SEPTIN8: variants seen among roughly 807,000 people sequenced by gnomAD.
The protein encoded by SEPTIN8 is septin 8.
SEPTIN8 carries 22 observed loss-of-function variants against 53.1 expected under a neutral mutation model. That is an observed-to-expected ratio of 0.41 (90% CI 0.30 to 0.59). The LOEUF is 0.59. Ranked by LOEUF, SEPTIN8 falls within the 20% of genes least tolerant of loss-of-function variation. The probability of loss-of-function intolerance (pLI) is 0.24; values close to 1 mark genes in which losing one functional copy is unlikely to be tolerated. For missense variants in SEPTIN8, 536 were observed against 638.7 expected, an observed-to-expected ratio of 0.84 and a Z score of 1.73; for synonymous variants, 228 against 248.4, an observed-to-expected ratio of 0.92 and a Z score of 0.77.
At chr5:132,753,788 GA>G (rs1755067214) in intron 9 of SEPTIN8, 1 of 152,338 alleles carries the variant, frequency 6.6e-6, no homozygotes, top group African/African-American at 2.4e-5. Context: ...CTGCCAGGAG[GA>G]GGAGCCGGCT....
intron 4 of SEPTIN8, among the ~76,000 whole-genome samples, chr5:132,763,135 G>C (rs1003410701): frequency 1.3e-5 from 2 of 152,140 alleles, no homozygotes; most frequent in Non-Finnish European, 2.9e-5. Flanking sequence ...AGCTGACAAG[G>C]GATGTGGGGT....
At chr5:132,771,299 T>C (rs1203046002) in intron 1 of SEPTIN8, among the ~76,000 whole-genome samples, 8 of 152,182 alleles carry the variant, frequency 5.3e-5, no homozygotes, top group Admixed American at 5.2e-4. Flanking sequence ...CCGGGGAAGC[T>C]GTGGGTAAAT....
chr5:132,751,159 G>A lies in SEPTIN8; in HGVS notation c.*857C>T, dbSNP rs1754812950. 1.5e-6 allele frequency: 1 copy of A among 676,520 alleles called. No homozygotes were observed. Among genetic ancestry groups the A allele is most frequent in the Non-Finnish European group, 2.3e-6 (1 of 431,474 alleles). The allele number at this position is 676,520 out of a possible 1,614,324, so 41.9% of individuals were successfully genotyped here. On this transcript the variant is annotated 3_prime_UTR_variant, in exon 10 of 10. Coordinates refer to ENST00000378719, the MANE Select transcript of SEPTIN8 (RefSeq NM_001098811.2). ...TCATGACATACGGAAGAGTGAAAAG[G>A]TATCTTAAATCCAACACAGTTCCAC...
chr5:132,762,752 C>G, intron 4 of SEPTIN8, 107 bp from the exon 5 acceptor site: 1 of 1,288,614 alleles, frequency 7.8e-7, no homozygotes, highest in Non-Finnish European at 1.1e-6. Context: ...TATCCCTGGG[C>G]AGGGGGAAGG....
upstream of SEPTIN8, chr5:132,778,036 T>C: frequency 1.0e-6 from 1 of 985,498 alleles, no homozygotes; most frequent in Non-Finnish European, 1.2e-6. Context: ...GCGTGCACGT[T>C]CTCTCCGCTA....
Position 132,776,309 on chromosome 5 carries a change from AC to A in SEPTIN8, c.30+798del, listed in dbSNP as rs1165584876. On this transcript the variant is annotated intron_variant, in intron 1 of 9. Coordinates refer to ENST00000378719, the MANE Select transcript of SEPTIN8 (RefSeq NM_001098811.2). The surrounding 1 kb of genome is among the most constrained non-coding windows in gnomAD (Gnocchi z 4.4). ...AGACAGCAGGGGATGTCCAGATACAACCCCCCAAAGGCCTCCCTCCCGCGAG... is the reference window on the plus strand; with the variant it reads ...AGACAGCAGGGGATGTCCAGATACAACCCCCAAAGGCCTCCCTCCCGCGAG... 2.6e-5 allele frequency among the ~76,000 whole-genome samples: 4 copies of A among 151,356 alleles called. No homozygotes were observed. The highest frequency in any genetic ancestry group is 5.9e-5 in the Non-Finnish European group (4 of 67,796).
chr5:132,761,233 T>G lies in SEPTIN8; in HGVS notation c.995A>C (p.Glu332Ala). The change falls in exon 8 of 10, where the codon GAG becomes GCG. Residue 332 changes from glutamate to alanine, a missense_variant. Transcript: ENST00000378719. This position sits in a 1 kb window ranked among gnomAD's most constrained non-coding sequence, Gnocchi z 5.8. ...CTTCCTCTGCAGCTCACTTAGGAAC[T>G]CCTTCCTCTTGGCCTCGTATGTCTC... Reference protein sequence around the residue: ...LQETYEAKRKEFLSELQRKEE... With the variant: ...LQETYEAKRKAFLSELQRKEE... 6.2e-7 allele frequency: 1 copy of G among 1,614,124 alleles called. No homozygotes were observed. The highest frequency in any genetic ancestry group is 8.5e-7 in the Non-Finnish European group (1 of 1,180,034).
Position 132,760,881 on chromosome 5 carries a change from C to T in SEPTIN8, c.1207G>A (p.Ala403Thr), listed in dbSNP as rs1331622597. The T allele has an allele frequency of 6.2e-7, 1 of 1,612,194 alleles. No individual in the cohort carries two copies. Among genetic ancestry groups the T allele is most frequent in the Non-Finnish European group, 8.5e-7 (1 of 1,179,514 alleles). Reference protein sequence around the residue: ...EETNAFNRRKAAVEALQSQAL... With the variant: ...EETNAFNRRKTAVEALQSQAL... ...TGCGACTGCAGGGCCTCCACCGCAGCCTTCCGGCGATTGAAGGCGTTGGTC... is the reference window on the plus strand; with the variant it reads ...TGCGACTGCAGGGCCTCCACCGCAGTCTTCCGGCGATTGAAGGCGTTGGTC... The change falls in exon 9 of 10, where the codon GCT becomes ACT. Residue 403 changes from alanine (A) to threonine (T), a missense_variant. Ala to Thr is a moderately conservative substitution (Grantham distance 58). Around this residue, in one of 3 missense-constraint regions of SEPTIN8, gnomAD observed 133 missense variants for 157.4 expected, o/e 0.84. Transcript: ENST00000378719. This position sits in a 1 kb window ranked among gnomAD's most constrained non-coding sequence, Gnocchi z 5.2.
chr5:132,764,680 T>C (rs941070633), intron 2 of SEPTIN8, among the ~76,000 whole-genome samples: 1 of 152,308 alleles, frequency 6.6e-6, no homozygotes, highest in East Asian at 1.9e-4. Context: ...TGTGATGTAT[T>C]TCCTCAGGGA....
intron 1 of SEPTIN8, among the ~76,000 whole-genome samples, chr5:132,767,096 T>G (rs1220402038): frequency 6.6e-6 from 1 of 152,134 alleles, no homozygotes; most frequent in East Asian, 1.9e-4. Flanking sequence ...CAACGGAGCC[T>G]CTTTTCTTAT....
chr5:132,767,676 A>G (rs73265309), intron 1 of SEPTIN8, among the ~76,000 whole-genome samples: 124 of 152,256 alleles, frequency 8.1e-4, no homozygotes, highest in African/African-American at 2.9e-3. Flanking sequence ...GCATCAGAGC[A>G]CCTGCCCACC....
chr5:132,770,185 G>A (rs1203617201), intron 1 of SEPTIN8, among the ~76,000 whole-genome samples: 2 of 137,616 alleles, frequency 1.5e-5, no homozygotes, highest in African/African-American at 2.8e-5. Context: ...GTATATATAT[G>A]TATGTATGTA....
At position 132,761,800 on chromosome 5, in the gene SEPTIN8, C is replaced by T. The variant is rs1755994669; in HGVS notation, c.793G>A (p.Val265Met). The T allele has an allele frequency of 6.2e-7, 1 of 1,607,510 alleles. No individual in the cohort carries two copies. The highest frequency in any genetic ancestry group is 8.5e-7 in the Non-Finnish European group (1 of 1,177,036). The change falls in exon 6 of 10, where the codon GTG becomes ATG. Residue 265 changes from valine (V) to methionine (M), a missense_variant and splice_region_variant. Around this residue, in one of 3 missense-constraint regions of SEPTIN8, gnomAD observed 395 missense variants for 451.8 expected, o/e 0.87. Coordinates refer to ENST00000378719, the MANE Select transcript of SEPTIN8 (RefSeq NM_001098811.2). The surrounding 1 kb of genome is among the most constrained non-coding windows in gnomAD (Gnocchi z 5.8). The part of the protein sequence containing the change: ...ARQYPWGVVQ[V>M]ENENHCDFVK... Reference sequence around the variant, plus strand: ...GGATGCATTTCCTGTCCACACTCACCCTGCACCACTCCCCAGGGGTACTGC... The same window carrying T: ...GGATGCATTTCCTGTCCACACTCACTCTGCACCACTCCCCAGGGGTACTGC...
intron 9 of SEPTIN8, chr5:132,756,849 T>C (rs887057991): frequency 5.1e-6 from 5 of 985,290 alleles, no homozygotes; most frequent in Non-Finnish European, 6.0e-6. Flanking sequence ...GAGTCCTAGG[T>C]TGGCCCATGA....
At chr5:132,769,961 A>C (rs1410949233) in intron 1 of SEPTIN8, among the ~76,000 whole-genome samples, 1 of 137,096 alleles carries the variant, frequency 7.3e-6, no homozygotes, top group Non-Finnish European at 1.6e-5. Flanking sequence ...AAGAGAACCC[A>C]AAAATCTCTC....
chr5:132,772,029 A>T (rs563374999), intron 1 of SEPTIN8, among the ~76,000 whole-genome samples: 170 of 152,302 alleles, frequency 1.1e-3, no homozygotes, highest in African/African-American at 4.0e-3. Flanking sequence ...TCAAGCAAGG[A>T]TCACCCGCCA....
chr5:132,766,746 C>T (rs1756643652), intron 1 of SEPTIN8, among the ~76,000 whole-genome samples: 1 of 152,116 alleles, frequency 6.6e-6, no homozygotes, highest in South Asian at 2.1e-4. Flanking sequence ...AGCCCTTGTG[C>T]AGATGTGGAT....
intron 9 of SEPTIN8, among the ~76,000 whole-genome samples, chr5:132,755,442 C>T (rs1288135152): frequency 6.6e-6 from 1 of 152,166 alleles, no homozygotes; most frequent in East Asian, 1.9e-4. Flanking sequence ...TGCCAAGGAG[C>T]AGGTGTAGCT....
In SEPTIN8 at chr5:132,751,800, A is replaced by T; in HGVS notation, c.*216T>A. 1.3e-6 allele frequency: 1 copy of T among 785,010 alleles called. No homozygotes were observed. Among genetic ancestry groups the T allele is most frequent in the South Asian group, 1.9e-5 (1 of 52,454 alleles). 48.6% of individuals were successfully genotyped at this position (785,010 alleles called of 1,614,324 possible). A position where few individuals can be genotyped will look rare whatever the true frequency, so the allele number is the denominator to read the frequency against. Reference sequence around the variant, plus strand: ...AGTGGAAGCTCAGCTTGGCCACAGGATGGGCATTAAGCCTCAAGCCCCTTA... The same window carrying T: ...AGTGGAAGCTCAGCTTGGCCACAGGTTGGGCATTAAGCCTCAAGCCCCTTA... On this transcript the variant is annotated 3_prime_UTR_variant, in exon 10 of 10. Coordinates refer to ENST00000378719, the MANE Select transcript of SEPTIN8 (RefSeq NM_001098811.2).
Sources: gnomAD v4.1 joint callset for allele counts (sites outside exome capture counted in the v4.1 genomes callset) on GRCh38, gnomAD v4.1.1 for gene constraint, gnomAD v4.1.1 regional missense constraint, Gnocchi (gnomAD v3.1) non-coding constraint, MANE v1.5 for transcripts, NCBI Gene and HGNC (gene_info 2026-07-23, HGNC 2026-07-21) for gene names.